Variants in RPRD1A observed in about 807,000 individuals in gnomAD.
RPRD1A encodes the protein regulation of nuclear pre-mRNA domain containing 1A.
A neutral mutation model predicts 37.8 loss-of-function variants in RPRD1A; 9 were observed. That is an observed-to-expected ratio of 0.24 (90% CI 0.14 to 0.42). The LOEUF is 0.42. Among genes scored for constraint, RPRD1A ranks in the 10% least tolerant of loss-of-function variants. The pLI, the probability that RPRD1A is intolerant of heterozygous loss-of-function variation, is 1.00. For synonymous variants in RPRD1A, 138 were observed against 139.7 expected (o/e 0.99, Z 0.08); for missense variants, 255 against 371.0 (o/e 0.69, Z 2.57).
At chr18:36,005,871 A>T (rs1239235458) in intron 6 of RPRD1A, among the ~76,000 whole-genome samples, 2 of 152,172 alleles carry the variant, frequency 1.3e-5, no homozygotes, top group Non-Finnish European at 2.9e-5. Context: ...TTTTACAACT[A>T]TGTTTACGAT....
intron 6 of RPRD1A, among the ~76,000 whole-genome samples, chr18:36,023,486 G>A (rs1195212133): frequency 1.3e-5 from 2 of 152,192 alleles, no homozygotes; most frequent in Non-Finnish European, 1.5e-5. Flanking sequence ...TCCTGAGATG[G>A]AATCTACTCC....
chr18:36,014,078 T>C (rs1264631484), intron 6 of RPRD1A, among the ~76,000 whole-genome samples: 5 of 152,304 alleles, frequency 3.3e-5, no homozygotes, highest in Admixed American at 2.6e-4. Flanking sequence ...TACATACACA[T>C]ACATATATAA....
rs1003385463 is a variant in RPRD1A, at chr18:36,040,038, T to A, written c.152-6201A>T. On this transcript the variant is annotated intron_variant, in intron 1 of 6. Coordinates refer to ENST00000399022, the MANE Select transcript of RPRD1A (RefSeq NM_018170.5). Reference sequence around the variant, plus strand: ...AAGATTTATTAACAATTACTAGACATCCTCATTTATTTCCCTGGTAAAATG... The same window carrying A: ...AAGATTTATTAACAATTACTAGACAACCTCATTTATTTCCCTGGTAAAATG... Among the ~76,000 whole-genome samples, 5 of 152,314 alleles carry A rather than the reference T, an allele frequency of 3.3e-5. No homozygotes were observed. In the East Asian group the frequency reaches 9.6e-4, roughly 29 times the overall value.
intron 1 of RPRD1A, among the ~76,000 whole-genome samples, chr18:36,063,632 G>A (rs2088959180): frequency 6.6e-6 from 1 of 152,116 alleles, no homozygotes; most frequent in Non-Finnish European, 1.5e-5. Context: ...TAATTATTCT[G>A]CAGAAATAAT....
chr18:36,005,949 A>C (rs1406421432), intron 6 of RPRD1A, among the ~76,000 whole-genome samples: 2 of 152,052 alleles, frequency 1.3e-5, no homozygotes, highest in Non-Finnish European at 2.9e-5. Context: ...GAGCTGTTTA[A>C]ATGGTTTTAA....
intron 6 of RPRD1A, among the ~76,000 whole-genome samples, chr18:36,022,972 A>C (rs1911109751): frequency 6.6e-6 from 1 of 152,152 alleles, no homozygotes; most frequent in Non-Finnish European, 1.5e-5. Context: ...AAATAACAAT[A>C]ATAAAAAATT....
intron 1 of RPRD1A, among the ~76,000 whole-genome samples, chr18:36,049,601 A>G (rs1249058220): frequency 6.6e-6 from 1 of 152,214 alleles, no homozygotes; most frequent in African/African-American, 2.4e-5. Flanking sequence ...CACTTAGCAT[A>G]ATGTTTTTGA....
At chr18:35,995,797 A>G (rs1909017258) in intron 6 of RPRD1A, among the ~76,000 whole-genome samples, 1 of 152,212 alleles carries the variant, frequency 6.6e-6, no homozygotes, top group South Asian at 2.1e-4. Flanking sequence ...TAAAGGTCCT[A>G]TCAACACTAT....
intron 1 of RPRD1A, among the ~76,000 whole-genome samples, chr18:36,046,643 G>A (rs1912973546): frequency 6.6e-6 from 1 of 151,584 alleles, no homozygotes; most frequent in Admixed American, 6.6e-5. Context: ...CCAGCCCGGG[G>A]CAACATGGTG....
chr18:36,029,365 C>T (rs774724496), intron 4 of RPRD1A, among the ~76,000 whole-genome samples: 17 of 152,276 alleles, frequency 1.1e-4, no homozygotes, highest in Non-Finnish European at 1.8e-4. Flanking sequence ...ACTGTGAGTT[C>T]CTGTTGCCCT....
chr18:36,053,077 CTGGAGACTAG>C (rs1198165812), intron 1 of RPRD1A, among the ~76,000 whole-genome samples: 6 of 152,036 alleles, frequency 3.9e-5, no homozygotes, highest in Admixed American at 3.9e-4. Flanking sequence ...TCATGAGAGT[CTGGAGACTAG>C]GGGATAGAGG....
intron 6 of RPRD1A, among the ~76,000 whole-genome samples, chr18:36,007,286 A>G (rs1006515618): frequency 6.6e-6 from 1 of 152,212 alleles, no homozygotes; most frequent in African/African-American, 2.4e-5. Flanking sequence ...GAACTATCCC[A>G]TGATGGCGTT....
At chr18:36,062,212 G>C (rs1467030208) in intron 1 of RPRD1A, among the ~76,000 whole-genome samples, 1 of 151,060 alleles carries the variant, frequency 6.6e-6, no homozygotes, top group Admixed American at 6.6e-5. Flanking sequence ...AGCTACTCCG[G>C]AGGCTGAGGC....
At chr18:36,053,440 G>A (rs545553893) in intron 1 of RPRD1A, among the ~76,000 whole-genome samples, 39 of 152,104 alleles carry the variant, frequency 2.6e-4, no homozygotes, top group Admixed American at 1.9e-3. Flanking sequence ...TGTGTCTGCC[G>A]CCTTCTGCTT....
chr18:36,036,873 T>C lies in RPRD1A; in HGVS notation c.152-3036A>G, dbSNP rs1912226240. On this transcript the variant is annotated intron_variant, in intron 1 of 6. Transcript: ENST00000399022. ...AAATGCCACTGTTGGCAACAAAGAA[T>C]GTAAGACTAAGTGACAGGTCTGACT... 2.0e-5 allele frequency among the ~76,000 whole-genome samples: 3 copies of C among 152,212 alleles called. No individual in the cohort carries two copies. In the South Asian group the frequency reaches 6.2e-4, roughly 31 times the overall value.
At chr18:35,998,374 G>GT (rs903268123) in intron 6 of RPRD1A, among the ~76,000 whole-genome samples, 29 of 151,892 alleles carry the variant, frequency 1.9e-4, no homozygotes, top group African/African-American at 3.1e-4. Flanking sequence ...AAAAAAAAAT[G>GT]TAACTATTAA....
At chr18:36,064,769 C>G (rs1263716822) in intron 1 of RPRD1A, among the ~76,000 whole-genome samples, 1 of 152,184 alleles carries the variant, frequency 6.6e-6, no homozygotes, top group Non-Finnish European at 1.5e-5. Flanking sequence ...CACTTCCCTG[C>G]TGTTGAAGAT....
At chr18:36,066,832 CAAGAAT>C (rs558737164) in intron 1 of RPRD1A, among the ~76,000 whole-genome samples, 22 of 152,334 alleles carry the variant, frequency 1.4e-4, no homozygotes, top group African/African-American at 4.1e-4. Flanking sequence ...ATTAATTTCA[CAAGAAT>C]AAGTTGCTGC....
At chr18:36,025,367 C>A (rs201109223) in intron 6 of RPRD1A, 17 of 227,774 alleles carry the variant, frequency 7.5e-5, no homozygotes, top group South Asian at 6.0e-4. Context: ...TTATTATTAT[C>A]ATCAGCCTCA....
Sources: gnomAD v4.1 joint callset for allele counts (sites outside exome capture counted in the v4.1 genomes callset) on GRCh38, gnomAD v4.1.1 for gene constraint, MANE v1.5 for transcripts, NCBI Gene and HGNC (gene_info 2026-07-23, HGNC 2026-07-21) for gene names.